The following GLIS3 variants were observed in gnomAD, a reference collection of about 807,000 sequenced individuals.
GLIS3 encodes the protein zinc finger protein GLIS3.
A neutral mutation model predicts 78.6 loss-of-function variants in GLIS3; 53 were observed. The observed-to-expected ratio is 0.67, with a 90% CI of 0.54 to 0.85. GLIS3 has a LOEUF of 0.85. Ranked by LOEUF, GLIS3 falls within the 40% of genes least tolerant of loss-of-function variation. GLIS3 has a pLI of 0.00. For missense variants in GLIS3, 1,703 were observed against 1,231.1 expected, an observed-to-expected ratio of 1.38 and a Z score of -5.74; for synonymous variants, 684 against 509.9, an observed-to-expected ratio of 1.34 and a Z score of -4.60.
chr9:4,430,208 A>T, the GLIS3 span, among the ~76,000 whole-genome samples: 30 of 152,258 alleles, frequency 2.0e-4, no homozygotes, highest in African/African-American at 7.0e-4. Context: ...TAGAAGGTGC[A>T]TGCATGCCTG....
intron 6 of GLIS3, among the ~76,000 whole-genome samples, chr9:3,919,305 G>A (rs1025007256): frequency 2.0e-5 from 3 of 152,220 alleles, no homozygotes; most frequent in Non-Finnish European, 2.9e-5. Context: ...GAAAAATGCA[G>A]CTTGAGTACA....
chr9:4,445,873 G>A, the GLIS3 span, among the ~76,000 whole-genome samples: 3 of 152,144 alleles, frequency 2.0e-5, no homozygotes, highest in African/African-American at 7.2e-5. Context: ...GTAGAGAACT[G>A]GAAATGGACC....
At chr9:4,348,555 G>A (rs901327697), upstream of GLIS3, among the ~76,000 whole-genome samples, 1 of 152,194 alleles carries the variant, frequency 6.6e-6, no homozygotes, top group South Asian at 2.1e-4. Context: ...CTCCAAGGAG[G>A]CTGGGAGATG....
intron 2 of GLIS3, among the ~76,000 whole-genome samples, chr9:4,183,924 C>A (rs76567236): frequency 0.025 from 3,782 of 152,140 alleles, 171 homozygotes; most frequent in African/African-American, 0.082. Context: ...GCATAGTAGG[C>A]ATTTTAATTA....
intron 4 of GLIS3, among the ~76,000 whole-genome samples, chr9:3,939,231 GA>G (rs1450653488): frequency 6.6e-6 from 1 of 152,174 alleles, no homozygotes; most frequent in Non-Finnish European, 1.5e-5. Flanking sequence ...ACCAGGATGA[GA>G]GCGGAGAACT....
At chr9:4,295,665 T>C (rs1788779890) in intron 1 of GLIS3, among the ~76,000 whole-genome samples, 1 of 152,164 alleles carries the variant, frequency 6.6e-6, no homozygotes, top group Non-Finnish European at 1.5e-5. Flanking sequence ...TCTGGTGTGT[T>C]GATAATGCTC....
intron 2 of GLIS3, among the ~76,000 whole-genome samples, chr9:4,220,484 C>A (rs553208502): frequency 6.6e-6 from 1 of 152,210 alleles, no homozygotes; most frequent in Admixed American, 6.5e-5. Flanking sequence ...AGATTGATGC[C>A]CACTGATGTA....
At chr9:3,933,198 G>A (rs1010346372) in intron 5 of GLIS3, among the ~76,000 whole-genome samples, 1 of 151,166 alleles carries the variant, frequency 6.6e-6, no homozygotes, top group Admixed American at 6.6e-5. Flanking sequence ...TTTTTTAGAT[G>A]TTGTTTTGTT....
chr9:4,352,687 G>A (rs1008763625), upstream of GLIS3, among the ~76,000 whole-genome samples: 3 of 152,256 alleles, frequency 2.0e-5, no homozygotes, highest in East Asian at 1.9e-4. Context: ...CAGGCCTGAA[G>A]GGCTATGTGT....
intron 2 of GLIS3, among the ~76,000 whole-genome samples, chr9:4,239,348 TAACCCATAGA>T (rs1823079363): frequency 6.6e-6 from 1 of 151,682 alleles, no homozygotes; most frequent in Admixed American, 6.6e-5. Context: ...AATGTTCTCT[TAACCCATAGA>T]CGTTCACGAC....
At chr9:4,382,403 A>G in the GLIS3 span, among the ~76,000 whole-genome samples, 2 of 152,034 alleles carry the variant, frequency 1.3e-5, no homozygotes, top group Admixed American at 1.3e-4. Context: ...TGATTATACT[A>G]CCTTATTACT....
intron 6 of GLIS3, among the ~76,000 whole-genome samples, chr9:3,904,747 A>G (rs1823545241): frequency 6.6e-6 from 1 of 152,204 alleles, no homozygotes; most frequent in Non-Finnish European, 1.5e-5. Flanking sequence ...TCACAACTCT[A>G]TGGAGTACAT....
chr9:4,462,685 C>T, the GLIS3 span, among the ~76,000 whole-genome samples: 1 of 151,722 alleles, frequency 6.6e-6, no homozygotes, highest in African/African-American at 2.4e-5. Context: ...TGTTGTATGT[C>T]TGTAGTCCCA....
At chr9:4,347,397 T>G (rs1318235177) in intron 1 of GLIS3, among the ~76,000 whole-genome samples, 3 of 152,162 alleles carry the variant, frequency 2.0e-5, no homozygotes, top group Admixed American at 2.0e-4. Context: ...ACATGAAGTT[T>G]AGGAGGACAA....
intron 4 of GLIS3, among the ~76,000 whole-genome samples, chr9:4,107,324 ACTGCC>A (rs1830836152): frequency 2.0e-5 from 3 of 152,110 alleles, no homozygotes; most frequent in African/African-American, 7.2e-5. Context: ...TCTTTTTCCA[ACTGCC>A]CTTGCAGTTA....
chr9:4,394,104 G>C, the GLIS3 span, among the ~76,000 whole-genome samples: 16 of 151,964 alleles, frequency 1.1e-4, no homozygotes, highest in Non-Finnish European at 2.2e-4. Context: ...AGAAAAAAGA[G>C]TTTTTGACTG....
intron 4 of GLIS3, among the ~76,000 whole-genome samples, chr9:3,986,751 C>T (rs1179637470): frequency 1.3e-5 from 2 of 152,192 alleles, no homozygotes; most frequent in Non-Finnish European, 2.9e-5. Flanking sequence ...ACTGAGCCAA[C>T]CAAAAATAGT....
rs983204228 is a variant in GLIS3, at chr9:3,826,560, T to C, written c.*1712A>G. 2 of 152,230 alleles carry C rather than the reference T, an allele frequency of 1.3e-5. No homozygotes were observed. Among genetic ancestry groups the C allele is most frequent in the African/African-American group, 4.8e-5 (2 of 41,466 alleles). 9.4% of individuals were successfully genotyped at this position (152,230 alleles called of 1,614,324 possible). A position where few individuals can be genotyped will look rare whatever the true frequency, so the allele number is the denominator to read the frequency against. ...CAGCCCACTACTCAGAGAAACTAGA[T>C]TGACCAAGTGCACTGTGAAAACAAA... On this transcript the variant is annotated 3_prime_UTR_variant, in exon 11 of 11. Coordinates refer to ENST00000381971, the MANE Select transcript of GLIS3 (RefSeq NM_001042413.2).
chr9:4,182,331 G>A (rs1358691828), intron 2 of GLIS3, among the ~76,000 whole-genome samples: 1 of 152,146 alleles, frequency 6.6e-6, no homozygotes, highest in African/African-American at 2.4e-5. Context: ...CTCTACAGTG[G>A]TGTCGTCCGT....
Sources: allele counts gnomAD v4.1 joint callset (sites outside exome capture counted in the v4.1 genomes callset), GRCh38; gene constraint gnomAD v4.1.1; transcripts MANE v1.5; gene names NCBI Gene and HGNC (gene_info 2026-07-23, HGNC 2026-07-21).